The following E2F8 variants were observed in gnomAD, a reference collection of about 807,000 sequenced individuals.
The protein encoded by E2F8 is E2F transcription factor 8.
Under a neutral mutation model 80.8 loss-of-function variants are expected in E2F8, and 35 were observed. That is an observed-to-expected ratio of 0.43 (90% CI 0.33 to 0.57). The LOEUF is 0.57. E2F8 is among the 20% of genes least tolerant of loss of function. The pLI, the probability that E2F8 is intolerant of heterozygous loss-of-function variation, is 0.04. For missense variants in E2F8, 975 were observed against 1,056.2 expected (o/e 0.92, Z 1.07); for synonymous variants, 386 against 395.0 (o/e 0.98, Z 0.27).
At chr11:19,225,019 G>A (rs1851192463) in intron 12 of E2F8, 179 bp from the exon 13 acceptor site, 2 of 1,119,998 alleles carry the variant, frequency 1.8e-6, no homozygotes, top group Admixed American at 5.1e-5. Context: ...TTAGGGGAGA[G>A]ACAAAAATCT....
Position 19,240,129 on chromosome 11 carries a change from AT to A in E2F8, c.-9del. ...TACCTTTTCGTTCTCCATTCTGTAA[AT>A]TCCTCATACATTTAGAGTTTAAAAA... On this transcript the variant is annotated 5_prime_UTR_variant, in exon 2 of 13. Coordinates refer to ENST00000250024, the MANE Select transcript of E2F8 (RefSeq NM_024680.4). 6.6e-7 allele frequency: 1 copy of A among 1,521,388 alleles called. No individual in the cohort carries two copies. The highest frequency in any genetic ancestry group is 1.7e-4 in the Middle Eastern group (1 of 5,760). The allele number at this position is 1,521,388 out of a possible 1,614,324, so 94.2% of individuals were successfully genotyped here. A position where few individuals can be genotyped will look rare whatever the true frequency, so the allele number is the denominator to read the frequency against.
Position 19,229,912 on chromosome 11 carries a change from C to CT in E2F8, c.1434dup (p.Val479SerfsTer4). 6.2e-7 allele frequency: 1 copy of CT among 1,614,102 alleles called. No homozygotes were observed. The highest frequency in any genetic ancestry group is 1.7e-4 in the Middle Eastern group (1 of 6,052). ...GCTGTCAGCTCCATCTCAGCATTCACTGGGGGGTCCAGAGGGGCTACTGGT... is the reference window on the plus strand; with the variant it reads ...GCTGTCAGCTCCATCTCAGCATTCACTTGGGGGGTCCAGAGGGGCTACTGGT... On this transcript the variant is annotated frameshift_variant, in exon 10 of 13. Transcript: ENST00000250024. LOFTEE classifies it high-confidence loss of function. This position sits in a 1 kb window ranked among gnomAD's most constrained non-coding sequence, Gnocchi z 4.3.
At position 19,234,805 on chromosome 11, in the gene E2F8, A is replaced by G. The variant is rs1366693395; in HGVS notation, c.705T>C (p.Thr235=). The change falls in exon 5 of 13, where the codon ACT becomes ACC. Residue 235 remains threonine, a synonymous_variant. Coordinates refer to ENST00000250024, the MANE Select transcript of E2F8 (RefSeq NM_024680.4). ...ACATGTCTGGGTGTCCATTTGGGCC[A>G]GTGTTTGATTTGATGATATGATCCT... is the stretch of plus-strand genomic sequence containing the variant. ...SIEDHIIKSN[T]GPNGHPDMCF... The G allele has an allele frequency of 6.2e-7, 1 of 1,614,222 alleles. No homozygotes were observed. Among genetic ancestry groups the G allele is most frequent in the East Asian group, 2.2e-5 (1 of 44,894 alleles).
chr11:19,230,106 A>G (rs1274073803), intron 9 of E2F8, 118 bp from the exon 10 acceptor site: 1 of 1,486,250 alleles, frequency 6.7e-7, no homozygotes. Flanking sequence ...AATTTCTGTA[A>G]TGAGTGAGTA....
In E2F8 at chr11:19,240,001, G is replaced by A. The variant is rs553911829; in HGVS notation, c.15+106C>T. 8 of 832,524 alleles carry A rather than the reference G, an allele frequency of 9.6e-6. No homozygotes were observed. The East Asian group carries it at 2.4e-4, about 25-fold the overall frequency. The allele number at this position is 832,524 out of a possible 1,614,324, so 51.6% of individuals were successfully genotyped here. On this transcript the variant is annotated intron_variant, in intron 2 of 12. Coordinates refer to ENST00000250024, the MANE Select transcript of E2F8 (RefSeq NM_024680.4). ...CCAGGTCTTTACAGAGGCTAACCAA[G>A]GTTGTGGCATTAAGAAAACACATTG...
chr11:19,238,682 G>A (rs550726590), intron 2 of E2F8, among the ~76,000 whole-genome samples: 9 of 152,326 alleles, frequency 5.9e-5, no homozygotes, highest in African/African-American at 2.2e-4. Context: ...CAAGAGTGAG[G>A]GATAGCATAT....
In E2F8 at chr11:19,225,435, A is replaced by G. The variant is rs757638924; in HGVS notation, c.2207T>C (p.Phe736Ser). 1 of 1,614,182 alleles carries G rather than the reference A, an allele frequency of 6.2e-7. No homozygotes were observed. The highest frequency in any genetic ancestry group is 1.1e-5 in the South Asian group (1 of 91,080). ...IQNPSSAIVN[F>S]TLQHLGLISP... is the part of the protein sequence containing the mutation. ...GATGAGTCCCAGGTGCTGCAGGGTGAAGTTTACAATGGCTGAGCTTGGGTT... is the reference window on the plus strand; with the variant it reads ...GATGAGTCCCAGGTGCTGCAGGGTGGAGTTTACAATGGCTGAGCTTGGGTT... Residue 736 changes from phenylalanine (F) to serine (S), a missense_variant, in exon 12 of 13, where the codon TTC becomes TCC. Phe to Ser is a radical substitution (Grantham distance 155). Coordinates refer to ENST00000250024, the MANE Select transcript of E2F8 (RefSeq NM_024680.4).
chr11:19,234,715 C>T (rs1364724792), intron 5 of E2F8, 29 bp downstream of exon 5: 12 of 1,586,092 alleles, frequency 7.6e-6, no homozygotes, highest in African/African-American at 5.4e-5. Flanking sequence ...AATGCCATGC[C>T]GCCTGGAGTT....
chr11:19,225,467 G>A lies in E2F8; in HGVS notation c.2175C>T (p.Pro725=). ...SPALASSHPV[P]IQNPSSAIVN... is the part of the protein sequence containing the mutation. Reference sequence around the variant, plus strand: ...CAATGGCTGAGCTTGGGTTCTGGATGGGAACAGGGTGGCTTGAAGCGAGAG... The same window carrying A: ...CAATGGCTGAGCTTGGGTTCTGGATAGGAACAGGGTGGCTTGAAGCGAGAG... The change falls in exon 12 of 13, where the codon CCC becomes CCT. Residue 725 remains proline (P), a synonymous_variant. Coordinates refer to ENST00000250024, the MANE Select transcript of E2F8 (RefSeq NM_024680.4). 6.2e-7 allele frequency: 1 copy of A among 1,614,228 alleles called. No individual in the cohort carries two copies. Among genetic ancestry groups the A allele is most frequent in the South Asian group, 1.1e-5 (1 of 91,088 alleles).
intron 7 of E2F8, among the ~76,000 whole-genome samples, chr11:19,231,540 T>C (rs1851381846): frequency 6.6e-6 from 1 of 152,204 alleles, no homozygotes; most frequent in African/African-American, 2.4e-5. Context: ...GTTCTTGTCA[T>C]TTTCAATGAT....
At chr11:19,225,927 CCT>C in intron 10 of E2F8, 63 bp from the exon 11 acceptor site, 1 of 1,561,438 alleles carries the variant, frequency 6.4e-7, no homozygotes, top group African/African-American at 1.4e-5. Context: ...TGGCCACGTG[CCT>C]CTTTCAGGAC....
At chr11:19,240,503 C>A in intron 1 of E2F8, 45 bp downstream of exon 1, 1 of 158,316 alleles carries the variant, frequency 6.3e-6, no homozygotes. Flanking sequence ...GTAGAAAAGG[C>A]GAGCCATTCT....
chr11:19,237,566 A>C, intron 3 of E2F8, 96 bp from the exon 4 acceptor site: 1 of 1,328,488 alleles, frequency 7.5e-7, no homozygotes, highest in Non-Finnish European at 1.0e-6. Context: ...CAACTTACAC[A>C]CGCTTAGCTT....
In E2F8 at chr11:19,225,422, G is replaced by A. The variant is rs997017524; in HGVS notation, c.2220C>T (p.His740=). 1 of 1,614,196 alleles carries A rather than the reference G, an allele frequency of 6.2e-7. No individual in the cohort carries two copies. The highest frequency in any genetic ancestry group is 1.7e-5 in the Admixed American group (1 of 60,026). Reference sequence around the variant, plus strand: ...GCACATTGGGTGAGATGAGTCCCAGGTGCTGCAGGGTGAAGTTTACAATGG... The same window carrying A: ...GCACATTGGGTGAGATGAGTCCCAGATGCTGCAGGGTGAAGTTTACAATGG... ...SSAIVNFTLQ[H]LGLISPNVQL... is the part of the protein sequence containing the mutation. Residue 740 remains histidine (H), a synonymous_variant, in exon 12 of 13, where the codon CAC becomes CAT. Transcript: ENST00000250024.
At position 19,240,702 on chromosome 11, in the gene E2F8, G is replaced by A. The variant is rs890957668; in HGVS notation, c.-264C>T. On this transcript the variant is annotated 5_prime_UTR_variant, in exon 1 of 13. Transcript: ENST00000250024. ...AGGCTCAGCAGTAAAGTCGTGGGAG[G>A]TCGCTTGACAGGAAAGTTCCAAATT... is the stretch of plus-strand genomic sequence containing the variant. 1 of 152,228 alleles carries A rather than the reference G, an allele frequency of 6.6e-6. No individual in the cohort carries two copies. The highest frequency in any genetic ancestry group is 1.9e-4 in the East Asian group (1 of 5,202). 9.4% of individuals were successfully genotyped at this position (152,228 alleles called of 1,614,324 possible).
chr11:19,237,868 T>C lies in E2F8; in HGVS notation c.280A>G (p.Lys94Glu), dbSNP rs1851563061. 6.2e-7 allele frequency: 1 copy of C among 1,614,018 alleles called. No individual in the cohort carries two copies. Among genetic ancestry groups the C allele is most frequent in the Non-Finnish European group, 8.5e-7 (1 of 1,179,972 alleles). ...FDNRSGLPEA[K>E]DCIHEHLSGD... ...TGAAAACCTACGTGTATACAGTCTT[T>C]GGCCTCAGGTAATCCACTTCTGTTG... Residue 94 changes from lysine to glutamate, a missense_variant, in exon 3 of 13, where the codon AAA becomes GAA. Lys to Glu is a moderately conservative substitution (Grantham distance 56, BLOSUM62 1). Transcript: ENST00000250024.
At position 19,230,644 on chromosome 11, in the gene E2F8, G is replaced by T; in HGVS notation, c.1257C>A (p.Ile419=). Reference sequence around the variant, plus strand: ...CTGAAAACATACCTTTGTTGGTCTTGATAGGGCTACTGGGCGCAGAATTTA... The same window carrying T: ...CTGAAAACATACCTTTGTTGGTCTTTATAGGGCTACTGGGCGCAGAATTTA... The part of the protein sequence containing the change: ...RKINSAPSSP[I]KTNKAESSQN... The change falls in exon 8 of 13, where the codon ATC becomes ATA. Residue 419 remains isoleucine (I), a synonymous_variant. Coordinates refer to ENST00000250024, the MANE Select transcript of E2F8 (RefSeq NM_024680.4). 1 of 1,614,162 alleles carries T rather than the reference G, an allele frequency of 6.2e-7. No homozygotes were observed. Among genetic ancestry groups the T allele is most frequent in the Admixed American group, 1.7e-5 (1 of 60,024 alleles).
At chr11:19,235,696 C>T (rs1851501823) in intron 4 of E2F8, among the ~76,000 whole-genome samples, 2 of 151,944 alleles carry the variant, frequency 1.3e-5, no homozygotes, top group Admixed American at 1.3e-4. Context: ...AAAACAGAGG[C>T]TCAGACCAGC....
intron 4 of E2F8, among the ~76,000 whole-genome samples, chr11:19,236,223 C>T (rs1014645398): frequency 1.1e-4 from 16 of 152,220 alleles, no homozygotes; most frequent in African/African-American, 3.9e-4. Context: ...GTCCTTACAG[C>T]TCCCTACCTT....
Sources: gnomAD v4.1 joint callset for allele counts (sites outside exome capture counted in the v4.1 genomes callset) on GRCh38, gnomAD v4.1.1 for gene constraint, Gnocchi (gnomAD v3.1) non-coding constraint, MANE v1.5 for transcripts, NCBI Gene and HGNC (gene_info 2026-07-23, HGNC 2026-07-21) for gene names.